The following SENP7 variants were observed in gnomAD, a reference collection of about 807,000 sequenced individuals.
SENP7 encodes sentrin-specific protease 7.
SENP7 carries 64 observed loss-of-function variants against 141.2 expected under a neutral mutation model. That is an observed-to-expected ratio of 0.45 (90% confidence interval 0.37 to 0.56). The LOEUF (loss-of-function observed/expected upper bound fraction) is 0.56, where lower values mean the gene tolerates loss of function less well. Ranked by LOEUF, SENP7 falls within the 20% of genes least tolerant of loss-of-function variation. SENP7 has a pLI of 0.00. For missense variants in SENP7, 1,025 were observed against 1,212.2 expected (o/e 0.85, Z 2.29); for synonymous variants, 382 against 426.4 (o/e 0.90, Z 1.28).
intron 8 of SENP7, among the ~76,000 whole-genome samples, chr3:101,367,583 C>T (rs1233819901): frequency 2.0e-5 from 3 of 151,902 alleles, no homozygotes; most frequent in Admixed American, 6.6e-5. Flanking sequence ...AAGAGCGATA[C>T]AAGAAAATAA....
intron 6 of SENP7, among the ~76,000 whole-genome samples, chr3:101,388,481 C>T (rs2060721665): frequency 6.6e-6 from 1 of 152,130 alleles, no homozygotes; most frequent in African/African-American, 2.4e-5. Flanking sequence ...ACTATATATA[C>T]ACATCTACAG....
At chr3:101,349,963 TAGCTAA>T (rs935569921) in intron 12 of SENP7, among the ~76,000 whole-genome samples, 28 of 152,284 alleles carry the variant, frequency 1.8e-4, no homozygotes, top group African/African-American at 6.7e-4. Flanking sequence ...CTTGACTAGC[TAGCTAA>T]TAAAATGTAA....
intron 1 of SENP7, among the ~76,000 whole-genome samples, chr3:101,512,834 G>A (rs1273232242): frequency 1.3e-5 from 2 of 152,202 alleles, no homozygotes; most frequent in African/African-American, 4.8e-5. Flanking sequence ...ACGCAAGGAG[G>A]GTGTTCGCGG....
intron 11 of SENP7, among the ~76,000 whole-genome samples, chr3:101,353,604 CTAA>C (rs1175187490): frequency 1.3e-5 from 2 of 151,890 alleles, no homozygotes; most frequent in East Asian, 1.9e-4. Context: ...AAGAATAAAG[CTAA>C]TAATAAGAGC....
chr3:101,326,227 A>G (rs1274322287), intron 23 of SENP7, 147 bp from the exon 24 acceptor site: 2 of 632,872 alleles, frequency 3.2e-6, no homozygotes, highest in Non-Finnish European at 4.9e-6. Context: ...CAATTCACCA[A>G]TAGCATACAA....
At chr3:101,444,385 T>C (rs1030800230) in intron 4 of SENP7, among the ~76,000 whole-genome samples, 1 of 151,930 alleles carries the variant, frequency 6.6e-6, no homozygotes, top group Non-Finnish European at 1.5e-5. Flanking sequence ...AGCCATCCCA[T>C]TACTGGGTAT....
At position 101,401,289 on chromosome 3, in the gene SENP7, G is replaced by A. The variant is rs150213623; in HGVS notation, c.483-2234C>T. Among the ~76,000 whole-genome samples, 1,279 of 152,178 alleles carry A rather than the reference G, an allele frequency of 8.4e-3. 21 individuals carry two copies. Among genetic ancestry groups the A allele is most frequent in the African/African-American group, 0.03 (1,239 of 41,498 alleles). On this transcript the variant is annotated intron_variant, in intron 5 of 23. Coordinates refer to ENST00000394095, the MANE Select transcript of SENP7 (RefSeq NM_020654.5). ...CACACCTATAATCCTAGCACTTAGG[G>A]AGGCTGAGGCAGGAGGATCACTTGA...
At chr3:101,461,177 T>C (rs2063532334) in intron 3 of SENP7, among the ~76,000 whole-genome samples, 2 of 151,958 alleles carry the variant, frequency 1.3e-5, no homozygotes, top group African/African-American at 4.8e-5. Flanking sequence ...TGAAAGAAAC[T>C]GGAGAATGTC....
Position 101,398,506 on chromosome 3 carries a change from G to T in SENP7, c.677+355C>A, listed in dbSNP as rs1221835405. On this transcript the variant is annotated intron_variant, in intron 6 of 23. Coordinates refer to ENST00000394095, the MANE Select transcript of SENP7 (RefSeq NM_020654.5). Reference sequence around the variant, plus strand: ...AATAACAGACAAGACTGAATGGGTAGATGGATAGATGGACAAATAGAACAG... The same window carrying T: ...AATAACAGACAAGACTGAATGGGTATATGGATAGATGGACAAATAGAACAG... 2.6e-5 allele frequency among the ~76,000 whole-genome samples: 4 copies of T among 152,086 alleles called. No homozygotes were observed. The East Asian group carries it at 7.7e-4, about 29-fold the overall frequency.
At chr3:101,457,373 G>T in intron 4 of SENP7, 1 of 1,429,686 alleles carries the variant, frequency 7.0e-7, no homozygotes. Flanking sequence ...CAGCCAGTCT[G>T]CTTAAACTGT....
chr3:101,417,851 A>G, intron 4 of SENP7, 61 bp from the exon 5 acceptor site: 5 of 1,281,202 alleles, frequency 3.9e-6, no homozygotes, highest in Non-Finnish European at 5.6e-6. Context: ...ACATGAATTC[A>G]TCACAAACTA....
chr3:101,495,435 A>G (rs2065124574), intron 2 of SENP7, among the ~76,000 whole-genome samples: 1 of 152,220 alleles, frequency 6.6e-6, no homozygotes, highest in African/African-American at 2.4e-5. Flanking sequence ...ATTCTATTAC[A>G]AAGATATATG....
chr3:101,442,846 CA>C (rs149727694), intron 4 of SENP7, among the ~76,000 whole-genome samples: 25 of 144,384 alleles, frequency 1.7e-4, no homozygotes, highest in East Asian at 8.0e-4. Flanking sequence ...ACCAGTCAGA[CA>C]AAAAAAAAAG....
intron 14 of SENP7, 150 bp from the exon 15 acceptor site, chr3:101,341,929 C>G (rs2059337356): frequency 1.4e-5 from 9 of 644,970 alleles, no homozygotes; most frequent in African/African-American, 1.8e-5. Flanking sequence ...ATAACCAAAC[C>G]AAAATAATAC....
intron 3 of SENP7, among the ~76,000 whole-genome samples, chr3:101,463,380 TATATATATATATATATAC>T (rs1454188272): frequency 9.7e-5 from 7 of 72,126 alleles, no homozygotes; most frequent in East Asian, 4.7e-4. Context: ...TATATATATA[TATATATATATATATATAC>T]ATATATATAT....
chr3:101,408,095 A>G (rs1317933300), intron 5 of SENP7, among the ~76,000 whole-genome samples: 1 of 152,168 alleles, frequency 6.6e-6, no homozygotes, highest in East Asian at 1.9e-4. Flanking sequence ...ACAAAACGGG[A>G]GATATTACAA....
chr3:101,472,613 C>G (rs2064048360), intron 3 of SENP7, among the ~76,000 whole-genome samples: 1 of 151,952 alleles, frequency 6.6e-6, no homozygotes. Flanking sequence ...ATCAAACCTG[C>G]ACATTATGCA....
At chr3:101,445,343 C>G (rs968842301) in intron 4 of SENP7, among the ~76,000 whole-genome samples, 1 of 151,920 alleles carries the variant, frequency 6.6e-6, no homozygotes. Context: ...GGGAGTCATA[C>G]ATCTAGAAGC....
chr3:101,342,943 G>A (rs1054108352), intron 14 of SENP7, among the ~76,000 whole-genome samples: 1 of 152,154 alleles, frequency 6.6e-6, no homozygotes, highest in Non-Finnish European at 1.5e-5. Context: ...TGGGATTACA[G>A]GTGTAAGCCA....
Sources: allele counts gnomAD v4.1 joint callset (sites outside exome capture counted in the v4.1 genomes callset), GRCh38; gene constraint gnomAD v4.1.1; transcripts MANE v1.5; gene names NCBI Gene and HGNC (gene_info 2026-07-23, HGNC 2026-07-21).